Variants in RBFOX3 observed in about 807,000 individuals in gnomAD.
RBFOX3 encodes the protein RNA binding fox-1 homolog 3.
Under a neutral mutation model 48.7 loss-of-function variants are expected in RBFOX3, and 17 were observed. That is an observed-to-expected ratio of 0.35 (90% CI 0.24 to 0.52). The LOEUF (loss-of-function observed/expected upper bound fraction) is 0.52. Among genes scored for constraint, RBFOX3 ranks in the 20% least tolerant of loss-of-function variants. The probability of loss-of-function intolerance (pLI) is 0.94; values close to 1 mark genes in which losing one functional copy is unlikely to be tolerated. For synonymous variants in RBFOX3, 212 were observed against 209.5 expected (o/e 1.01, Z -0.10); for missense variants, 382 against 497.5 (o/e 0.77, Z 2.21).
chr17:79,504,206 C>G (rs1378638034), intron 1 of RBFOX3, among the ~76,000 whole-genome samples: 1 of 152,230 alleles, frequency 6.6e-6, no homozygotes, highest in African/African-American at 2.4e-5. Context: ...TTGGCATGTA[C>G]CCCAATCAAA....
chr17:79,124,196 G>A (rs376059012), intron 4 of RBFOX3, among the ~76,000 whole-genome samples: 11 of 152,194 alleles, frequency 7.2e-5, no homozygotes, highest in African/African-American at 1.7e-4. Context: ...CACAGGAATC[G>A]GCAAAGGCTG....
chr17:79,290,596 A>G (rs1014352656), intron 3 of RBFOX3, among the ~76,000 whole-genome samples: 2 of 152,114 alleles, frequency 1.3e-5, no homozygotes, highest in Non-Finnish European at 2.9e-5. Flanking sequence ...CAGTTAGCAA[A>G]TGGAGTCTGA....
At chr17:79,349,124 C>G (rs1354996230) in intron 2 of RBFOX3, among the ~76,000 whole-genome samples, 1 of 152,018 alleles carries the variant, frequency 6.6e-6, no homozygotes, top group East Asian at 1.9e-4. Context: ...TTCCCCATCC[C>G]CACGCCTGGC....
intron 1 of RBFOX3, among the ~76,000 whole-genome samples, chr17:79,528,347 A>T (rs2087111111): frequency 8.4e-6 from 1 of 118,670 alleles, no homozygotes; most frequent in Non-Finnish European, 1.6e-5. Context: ...GGAGGATCTT[A>T]GTTGAAACTC....
At chr17:79,346,637 A>G (rs1323716247) in intron 2 of RBFOX3, among the ~76,000 whole-genome samples, 2 of 152,218 alleles carry the variant, frequency 1.3e-5, no homozygotes, top group Admixed American at 1.3e-4. Context: ...TTGGGAATTA[A>G]TCAGAATTGC....
the RBFOX3 span, among the ~76,000 whole-genome samples, chr17:79,620,637 A>ATG: frequency 4.6e-5 from 1 of 21,680 alleles, no homozygotes; most frequent in Non-Finnish European, 3.1e-4. Context: ...ACACACGCAC[A>ATG]CGCACACACA....
chr17:79,370,453 C>G (rs903206803), intron 2 of RBFOX3, among the ~76,000 whole-genome samples: 1 of 152,186 alleles, frequency 6.6e-6, no homozygotes, highest in Non-Finnish European at 1.5e-5. Context: ...CTGATGTGCA[C>G]AGTCACATAC....
chr17:79,439,603 G>A (rs2070387484), intron 2 of RBFOX3, among the ~76,000 whole-genome samples: 1 of 152,210 alleles, frequency 6.6e-6, no homozygotes, highest in Non-Finnish European at 1.5e-5. Context: ...CTCACAAGAT[G>A]TGTATGTCAT....
the RBFOX3 span, among the ~76,000 whole-genome samples, chr17:79,656,821 G>GAA: frequency 9.1e-6 from 1 of 109,756 alleles, no homozygotes; most frequent in Non-Finnish European, 1.8e-5. Context: ...GAAAGAGAAA[G>GAA]AAAGAAAGAA....
the RBFOX3 span, among the ~76,000 whole-genome samples, chr17:79,620,484 CGT>C: frequency 4.1e-5 from 6 of 147,368 alleles, no homozygotes; most frequent in South Asian, 1.3e-3. Flanking sequence ...CACACACGCA[CGT>C]GCACACACGC....
At chr17:79,417,649 G>A (rs1430708189) in intron 2 of RBFOX3, among the ~76,000 whole-genome samples, 6 of 152,216 alleles carry the variant, frequency 3.9e-5, no homozygotes, top group East Asian at 1.9e-4. Context: ...CCGCTGCTGC[G>A]GAAAAGGAAG....
chr17:79,433,188 T>C (rs2068781987), intron 2 of RBFOX3, among the ~76,000 whole-genome samples: 1 of 152,124 alleles, frequency 6.6e-6, no homozygotes, highest in South Asian at 2.1e-4. Context: ...GAAAATGGTG[T>C]GAGTCACCCC....
chr17:79,093,548 G>GA (rs72211592), intron 14 of RBFOX3, among the ~76,000 whole-genome samples: 2,059 of 117,376 alleles, frequency 0.018, 29 homozygotes, highest in African/African-American at 0.044. Flanking sequence ...GTTAAAAATT[G>GA]AAAAAAAAAA....
At chr17:79,366,177 C>T (rs950630645) in intron 2 of RBFOX3, among the ~76,000 whole-genome samples, 2 of 152,212 alleles carry the variant, frequency 1.3e-5, no homozygotes, top group Non-Finnish European at 1.5e-5. Flanking sequence ...GCATAGCTGA[C>T]GAGAAGCAAC....
chr17:79,225,862 G>A (rs377198157), intron 4 of RBFOX3, among the ~76,000 whole-genome samples: 3 of 152,114 alleles, frequency 2.0e-5, no homozygotes, highest in African/African-American at 7.2e-5. Context: ...GCTTTACCCC[G>A]TACTGGGGAG....
chr17:79,556,648 T>C (rs931981848), intron 1 of RBFOX3, among the ~76,000 whole-genome samples: 18 of 152,224 alleles, frequency 1.2e-4, no homozygotes, highest in African/African-American at 4.3e-4. Context: ...TTAATAACTT[T>C]GTCAGTAATG....
chr17:79,445,748 G>A (rs548714580), intron 2 of RBFOX3, among the ~76,000 whole-genome samples: 3 of 152,338 alleles, frequency 2.0e-5, no homozygotes, highest in East Asian at 3.9e-4. Context: ...GAAGCTGCTC[G>A]GCTGGGTGTT....
chr17:79,110,775 A>G (rs2031000872), intron 5 of RBFOX3, among the ~76,000 whole-genome samples: 1 of 152,206 alleles, frequency 6.6e-6, no homozygotes. Context: ...CAGGATTTCA[A>G]GCCCCTCCTG....
chr17:79,543,277 C>T (rs1161186090), intron 1 of RBFOX3, among the ~76,000 whole-genome samples: 7 of 152,156 alleles, frequency 4.6e-5, no homozygotes, highest in Non-Finnish European at 1.0e-4. Flanking sequence ...GTTACAGGTG[C>T]GAGTTTGCTA....
Sources: allele counts gnomAD v4.1 joint callset (sites outside exome capture counted in the v4.1 genomes callset), GRCh38; gene constraint gnomAD v4.1.1; transcripts MANE v1.5; gene names NCBI Gene and HGNC (gene_info 2026-07-23, HGNC 2026-07-21).